The following STN1 variants were observed in gnomAD, a reference collection of about 807,000 sequenced individuals.
The protein encoded by STN1 is STN1 subunit of CST complex.
STN1 carries 29 observed loss-of-function variants against 45.5 expected under a neutral mutation model. The ratio of observed to expected loss-of-function variants is 0.64; its 90% CI spans 0.47 to 0.87. The LOEUF (loss-of-function observed/expected upper bound fraction) is 0.87, where lower values mean the gene tolerates loss of function less well. Among genes scored for constraint, STN1 ranks in the 40% least tolerant of loss-of-function variants. The probability of loss-of-function intolerance (pLI) is 0.00; values close to 1 mark genes in which losing one functional copy is unlikely to be tolerated. For synonymous variants in STN1, 148 were observed against 159.0 expected (o/e 0.93, Z 0.52); for missense variants, 376 against 441.4 (o/e 0.85, Z 1.33).
rs919812182 is a variant in STN1, at chr10:103,880,080, C to G, written c.*2604G>C. On this transcript the variant is annotated 3_prime_UTR_variant, in exon 10 of 10. Coordinates refer to ENST00000224950, the MANE Select transcript of STN1 (RefSeq NM_024928.5). ...GCCTGGGCCAAGTATGGCTTCCACA[C>G]TGGTTGAGTTCTTGCCCAGCACCAA... Among the ~76,000 whole-genome samples the G allele has an allele frequency of 1.3e-5, 2 of 152,230 alleles. No homozygotes were observed. The highest frequency in any genetic ancestry group is 4.8e-5 in the African/African-American group (2 of 41,462).
chr10:103,913,525 A>G (rs1485709578), intron 2 of STN1, among the ~76,000 whole-genome samples: 1 of 152,210 alleles, frequency 6.6e-6, no homozygotes. Context: ...GATAGTTTGA[A>G]TTTTAAAACT....
intron 2 of STN1, 92 bp from the exon 3 acceptor site, chr10:103,910,714 A>G (rs1361804129): frequency 1.5e-6 from 1 of 670,166 alleles, no homozygotes; most frequent in Non-Finnish European, 2.6e-6. Context: ...GGAGTGTAAA[A>G]AAATCAATCC....
At chr10:103,884,118 T>G (rs1230475064) in intron 9 of STN1, among the ~76,000 whole-genome samples, 4 of 97,888 alleles carry the variant, frequency 4.1e-5, no homozygotes, top group African/African-American at 1.7e-4. Flanking sequence ...AAAAAAAAAA[T>G]CCACTTATCA....
chr10:103,896,779 G>A (rs541679788), intron 7 of STN1, among the ~76,000 whole-genome samples: 29 of 152,048 alleles, frequency 1.9e-4, no homozygotes, highest in African/African-American at 7.0e-4. Flanking sequence ...CAAGTGATCT[G>A]CCCACCTTGA....
At chr10:103,907,352 T>C (rs7076119) in intron 3 of STN1, among the ~76,000 whole-genome samples, 62,943 of 152,010 alleles carry the variant, frequency 0.41, 13,349 homozygotes, top group East Asian at 0.66. Flanking sequence ...CATTGTAAAA[T>C]AGAAATATAT....
chr10:103,894,058 C>A (rs1843156263), intron 7 of STN1, among the ~76,000 whole-genome samples: 1 of 152,178 alleles, frequency 6.6e-6, no homozygotes, highest in Non-Finnish European at 1.5e-5. Context: ...TCTTTTTATT[C>A]ACGAGGCTTA....
At chr10:103,894,691 CAAA>C (rs75334190) in intron 7 of STN1, among the ~76,000 whole-genome samples, 2 of 106,504 alleles carry the variant, frequency 1.9e-5, no homozygotes, top group Non-Finnish European at 1.9e-5. Flanking sequence ...TGCTCACAGG[CAAA>C]AAAAAAAAAA....
intron 8 of STN1, among the ~76,000 whole-genome samples, chr10:103,890,147 AG>A (rs1843130311): frequency 6.6e-6 from 1 of 152,230 alleles, no homozygotes; most frequent in East Asian, 1.9e-4. Flanking sequence ...AGAGGAAGAA[AG>A]GAAGAAAGAA....
chr10:103,910,164 C>G (rs1843280297), intron 3 of STN1, among the ~76,000 whole-genome samples: 1 of 152,144 alleles, frequency 6.6e-6, no homozygotes, highest in African/African-American at 2.4e-5. Context: ...CTGGTCTTCG[C>G]TTTTTAAAGT....
At chr10:103,883,462 C>G (rs1397638986) in intron 9 of STN1, among the ~76,000 whole-genome samples, 1 of 152,036 alleles carries the variant, frequency 6.6e-6, no homozygotes, top group African/African-American at 2.4e-5. Context: ...AACCTCTTTC[C>G]TAGTTGAAAT....
At chr10:103,898,821 G>A in intron 6 of STN1, 56 bp downstream of exon 6, 1 of 1,604,298 alleles carries the variant, frequency 6.2e-7, no homozygotes, top group Admixed American at 1.7e-5. Context: ...TCTGGGCTCA[G>A]CTGCTTCAGT....
chr10:103,909,366 AT>A (rs66871263), intron 3 of STN1, among the ~76,000 whole-genome samples: 3,839 of 79,646 alleles, frequency 0.048, 461 homozygotes, highest in African/African-American at 0.1. Context: ...AAAAAAAAAA[AT>A]ATATATATAT....
chr10:103,909,000 A>G (rs1008053280), intron 3 of STN1, among the ~76,000 whole-genome samples: 2 of 152,090 alleles, frequency 1.3e-5, no homozygotes, highest in African/African-American at 2.4e-5. Context: ...GAATGGACCC[A>G]CAAATCTCCA....
chr10:103,889,695 CTTTTTT>C (rs58738841), intron 8 of STN1, among the ~76,000 whole-genome samples: 323 of 122,118 alleles, frequency 2.6e-3, no homozygotes, highest in South Asian at 5.6e-3. Context: ...TTTCTTTTTC[CTTTTTT>C]TTTTTTTTTT....
At chr10:103,892,476 G>A (rs928332962) in intron 7 of STN1, among the ~76,000 whole-genome samples, 2 of 150,694 alleles carry the variant, frequency 1.3e-5, no homozygotes, top group African/African-American at 2.4e-5. Flanking sequence ...CCTTAGTTGT[G>A]ATTTTTTTTT....
chr10:103,879,906 T>C lies in STN1; in HGVS notation c.*2778A>G, dbSNP rs1433730284. 1 of 152,322 alleles carries C rather than the reference T, an allele frequency of 6.6e-6. No individual in the cohort carries two copies. Among genetic ancestry groups the C allele is most frequent in the Non-Finnish European group, 1.5e-5 (1 of 68,104 alleles). The allele number at this position is 152,322 out of a possible 1,614,324, so 9.4% of individuals were successfully genotyped here. A position where few individuals can be genotyped will look rare whatever the true frequency, so the allele number is the denominator to read the frequency against. ...TTGAGCAACTGGATGGAGCTACCTC[T>C]TCCTGAATCAGGGACATTTTCCAAA... On this transcript the variant is annotated 3_prime_UTR_variant, in exon 10 of 10. Transcript: ENST00000224950.
intron 3 of STN1, among the ~76,000 whole-genome samples, chr10:103,906,194 A>C (rs535618195): frequency 6.6e-6 from 1 of 152,340 alleles, no homozygotes; most frequent in African/African-American, 2.4e-5. Flanking sequence ...GATGAGAAGA[A>C]GATATGGGTG....
chr10:103,890,569 AG>A (rs1843133713), intron 8 of STN1, among the ~76,000 whole-genome samples: 3 of 152,206 alleles, frequency 2.0e-5, no homozygotes, highest in Non-Finnish European at 4.4e-5. Flanking sequence ...GGTGTGTCCC[AG>A]AGCAGGGCTC....
intron 9 of STN1, among the ~76,000 whole-genome samples, chr10:103,883,907 T>G (rs1843087229): frequency 6.6e-6 from 1 of 151,802 alleles, no homozygotes; most frequent in Non-Finnish European, 1.5e-5. Flanking sequence ...CTGGCCAACA[T>G]GGTGAAACCT....
Sources: allele counts gnomAD v4.1 joint callset (sites outside exome capture counted in the v4.1 genomes callset), GRCh38; gene constraint gnomAD v4.1.1; transcripts MANE v1.5; gene names NCBI Gene and HGNC (gene_info 2026-07-23, HGNC 2026-07-21).